PLD5: variants seen among roughly 807,000 people sequenced by gnomAD.
PLD5 encodes the protein inactive phospholipase D5.
A neutral mutation model predicts 61.1 loss-of-function variants in PLD5; 36 were observed. The observed-to-expected ratio is 0.59, with a 90% CI of 0.45 to 0.78. The LOEUF is 0.78. Ranked by LOEUF, PLD5 falls within the 30% of genes least tolerant of loss-of-function variation. PLD5 has a pLI of 0.00. For missense variants in PLD5, 515 were observed against 644.4 expected, an observed-to-expected ratio of 0.80 and a Z score of 2.17; for synonymous variants, 243 against 242.8, an observed-to-expected ratio of 1.00 and a Z score of -0.01.
At chr1:242,427,967 A>G (rs556520551) in intron 1 of PLD5, among the ~76,000 whole-genome samples, 1 of 152,348 alleles carries the variant, frequency 6.6e-6, no homozygotes, top group Non-Finnish European at 1.5e-5. Context: ...AGGTTAAAAA[A>G]ATTGTAACCA....
intron 1 of PLD5, among the ~76,000 whole-genome samples, chr1:242,358,983 C>T (rs1340149807): frequency 6.6e-6 from 1 of 152,162 alleles, no homozygotes; most frequent in Non-Finnish European, 1.5e-5. Context: ...AAAAGCTAGA[C>T]ATGGAGGCTG....
In PLD5 at chr1:242,092,743, A is replaced by T. The variant is rs989386201; in HGVS notation, c.1355-2633T>A. The stretch of plus-strand genomic sequence containing the variant: ...GGGAGAAGCTGCTGGAAGAAAGCAC[A>T]TCTGGGAGACAGCCAGTTTCTGTTC... On this transcript the variant is annotated intron_variant, in intron 9 of 9. Coordinates refer to ENST00000536534, the MANE Select transcript of PLD5 (RefSeq NM_001372062.1). 1.1e-4 allele frequency among the ~76,000 whole-genome samples: 16 copies of T among 152,246 alleles called. No individual in the cohort carries two copies. In the East Asian group the frequency reaches 3.1e-3, roughly 29 times the overall value.
At chr1:242,094,298 C>T (rs1660060303) in intron 9 of PLD5, among the ~76,000 whole-genome samples, 1 of 152,146 alleles carries the variant, frequency 6.6e-6, no homozygotes, top group Non-Finnish European at 1.5e-5. Flanking sequence ...ACCCGCTACC[C>T]CCTTGTCAGT....
At chr1:242,515,570 G>A (rs936868229) in intron 1 of PLD5, among the ~76,000 whole-genome samples, 13 of 152,104 alleles carry the variant, frequency 8.5e-5, no homozygotes, top group Non-Finnish European at 1.2e-4. Flanking sequence ...GTCTTCTTTC[G>A]TTCATTATTA....
At chr1:242,503,499 T>C (rs1281752165) in intron 1 of PLD5, among the ~76,000 whole-genome samples, 2 of 152,194 alleles carry the variant, frequency 1.3e-5, no homozygotes, top group Non-Finnish European at 2.9e-5. Flanking sequence ...TATTTCTTTA[T>C]AGCAATGCAA....
intron 2 of PLD5, among the ~76,000 whole-genome samples, chr1:242,309,746 T>A (rs1415876194): frequency 1.3e-5 from 2 of 150,062 alleles, no homozygotes; most frequent in Non-Finnish European, 3.0e-5. Context: ...CATGATTCCC[T>A]AATTGGAATT....
At chr1:242,452,034 G>A (rs987356473) in intron 1 of PLD5, among the ~76,000 whole-genome samples, 1 of 151,994 alleles carries the variant, frequency 6.6e-6, no homozygotes, top group Non-Finnish European at 1.5e-5. Flanking sequence ...CAATGTCTGC[G>A]CCATCTCCCT....
chr1:242,189,302 T>C (rs551670714), intron 5 of PLD5, among the ~76,000 whole-genome samples: 1 of 151,988 alleles, frequency 6.6e-6, no homozygotes, highest in East Asian at 1.9e-4. Context: ...AAAAATTAGC[T>C]GGGCGTAGTG....
intron 5 of PLD5, among the ~76,000 whole-genome samples, chr1:242,204,221 C>T (rs188885702): frequency 1.5e-4 from 22 of 150,594 alleles, no homozygotes; most frequent in African/African-American, 2.2e-4. Context: ...CCAGTCTGGG[C>T]GACAGAGCGA....
At chr1:242,317,908 C>G (rs1658121013) in intron 2 of PLD5, among the ~76,000 whole-genome samples, 1 of 152,110 alleles carries the variant, frequency 6.6e-6, no homozygotes. Context: ...GGATCAGTGA[C>G]AAGTCACTTT....
intron 9 of PLD5, among the ~76,000 whole-genome samples, chr1:242,094,389 G>A (rs375662555): frequency 2.0e-5 from 3 of 152,174 alleles, no homozygotes; most frequent in African/African-American, 7.2e-5. Flanking sequence ...AAATTAGAGA[G>A]ATGACACTGT....
At chr1:242,154,084 C>T (rs2148824376) in intron 5 of PLD5, among the ~76,000 whole-genome samples, 1 of 152,146 alleles carries the variant, frequency 6.6e-6, no homozygotes, top group Non-Finnish European at 1.5e-5. Context: ...AGTTGTATTC[C>T]CAGGTATTTA....
intron 2 of PLD5, among the ~76,000 whole-genome samples, chr1:242,328,985 T>A (rs970993489): frequency 6.7e-6 from 1 of 149,122 alleles, no homozygotes; most frequent in Admixed American, 6.8e-5. Flanking sequence ...CAATCATTTT[T>A]TTTCCTGCAA....
intron 1 of PLD5, among the ~76,000 whole-genome samples, chr1:242,428,982 G>A (rs918631345): frequency 9.2e-5 from 14 of 152,162 alleles, no homozygotes; most frequent in Non-Finnish European, 1.9e-4. Context: ...GGCACAGACC[G>A]TCCATCTCCT....
intron 7 of PLD5, among the ~76,000 whole-genome samples, chr1:242,112,342 T>G (rs1195509032): frequency 0.2 from 2,144 of 10,888 alleles, 77 homozygotes; most frequent in African/African-American, 0.49. Context: ...TATATGTGTA[T>G]ATATATATAT....
intron 1 of PLD5, among the ~76,000 whole-genome samples, chr1:242,389,030 G>C (rs187045025): frequency 1.3e-3 from 199 of 150,708 alleles, no homozygotes; most frequent in African/African-American, 4.6e-3. Flanking sequence ...ACTCCAGGCT[G>C]GTGACAGAGT....
intron 2 of PLD5, among the ~76,000 whole-genome samples, chr1:242,302,603 TA>T (rs1222792785): frequency 1.3e-5 from 2 of 152,150 alleles, no homozygotes; most frequent in Non-Finnish European, 2.9e-5. Context: ...CCTGTAGTCC[TA>T]ACTACTCAGG....
chr1:242,328,497 A>G (rs1253799608), intron 2 of PLD5, among the ~76,000 whole-genome samples: 1 of 152,202 alleles, frequency 6.6e-6, no homozygotes, highest in Non-Finnish European at 1.5e-5. Context: ...TATGTGTTCT[A>G]CATATGTATG....
intron 5 of PLD5, among the ~76,000 whole-genome samples, chr1:242,202,255 A>C (rs1669030859): frequency 6.6e-6 from 1 of 151,998 alleles, no homozygotes; most frequent in Non-Finnish European, 1.5e-5. Flanking sequence ...CAAACAAAAA[A>C]TATGGTGTGT....
Sources: allele counts gnomAD v4.1 joint callset (sites outside exome capture counted in the v4.1 genomes callset), GRCh38; gene constraint gnomAD v4.1.1; transcripts MANE v1.5; gene names NCBI Gene and HGNC (gene_info 2026-07-23, HGNC 2026-07-21).